Variants in HUNK observed in about 807,000 individuals in gnomAD.
HUNK encodes hormonally up-regulated Neu-associated kinase, also known as hormonally up-regulated neu tumor-associated kinase.
HUNK carries 21 observed loss-of-function variants against 61.0 expected under a neutral mutation model. That is an observed-to-expected ratio of 0.34 (90% confidence interval 0.24 to 0.50). HUNK has a LOEUF of 0.50. Ranked by LOEUF, HUNK falls within the 20% of genes least tolerant of loss-of-function variation. The probability of loss-of-function intolerance (pLI) is 0.98; values close to 1 mark genes in which losing one functional copy is unlikely to be tolerated. For synonymous variants in HUNK, 371 were observed against 386.1 expected, an observed-to-expected ratio of 0.96 and a Z score of 0.46; for missense variants, 772 against 945.7, an observed-to-expected ratio of 0.82 and a Z score of 2.41.
chr21:31,879,154 A>G (rs1409298756), intron 1 of HUNK, among the ~76,000 whole-genome samples: 1 of 152,358 alleles, frequency 6.6e-6, no homozygotes, highest in East Asian at 1.9e-4. Context: ...GCCTTTTGGC[A>G]GATCTGTTTT....
At chr21:31,958,773 G>T in intron 4 of HUNK, 70 bp from the exon 5 acceptor site, 1 of 1,446,300 alleles carries the variant, frequency 6.9e-7, no homozygotes, top group Non-Finnish European at 9.3e-7. Flanking sequence ...CTTCGGTGAA[G>T]CCCGTGTCCC....
rs747079661 is a variant in HUNK, at chr21:31,958,979, C to T, written c.874+9C>T. The T allele has an allele frequency of 1.3e-6, 2 of 1,592,218 alleles. No individual in the cohort carries two copies. Among genetic ancestry groups the T allele is most frequent in the Non-Finnish European group, 1.7e-6 (2 of 1,171,116 alleles). ...CACTCAGCTCTCCACAGGTAATGCACCAGCTGCTCTAGATCACGGTTCAGG... is the reference window on the plus strand; with the variant it reads ...CACTCAGCTCTCCACAGGTAATGCATCAGCTGCTCTAGATCACGGTTCAGG... On this transcript the variant is annotated intron_variant, in intron 5 of 10. Coordinates refer to ENST00000270112, the MANE Select transcript of HUNK (RefSeq NM_014586.2).
chr21:31,938,124 C>T (rs1234554514), intron 2 of HUNK, among the ~76,000 whole-genome samples: 1 of 152,156 alleles, frequency 6.6e-6, no homozygotes, highest in African/African-American at 2.4e-5. Flanking sequence ...GCATTTGACT[C>T]CTTAATTCTT....
chr21:31,965,593 T>TG (rs1418034098), intron 5 of HUNK, among the ~76,000 whole-genome samples: 2 of 130,016 alleles, frequency 1.5e-5, no homozygotes, highest in East Asian at 4.8e-4. Flanking sequence ...TCTTTGTTTT[T>TG]CTTTTTTTTT....
At chr21:31,896,464 G>A (rs73191257) in intron 1 of HUNK, among the ~76,000 whole-genome samples, 1,813 of 152,254 alleles carry the variant, frequency 0.012, 9 homozygotes, top group Middle Eastern at 0.027. Flanking sequence ...CAGATACCAC[G>A]ATACCTGGAA....
In HUNK at chr21:31,916,622, G is replaced by A. The variant is rs568093183; in HGVS notation, c.262-7846G>A. Among the ~76,000 whole-genome samples, 9 of 151,746 alleles carry A rather than the reference G, an allele frequency of 5.9e-5. No homozygotes were observed. The South Asian group carries it at 6.3e-4, about 11-fold the overall frequency. The stretch of plus-strand genomic sequence containing the variant: ...TTGGGGAGAGCAGTGCTTCCCTTTC[G>A]TGCAGGGCAAACTCTTCCTCCTCTT... On this transcript the variant is annotated intron_variant, in intron 1 of 10. Transcript: ENST00000270112.
chr21:31,954,302 A>G (rs566143264), intron 4 of HUNK, among the ~76,000 whole-genome samples: 169 of 152,368 alleles, frequency 1.1e-3, no homozygotes, highest in African/African-American at 3.9e-3. Flanking sequence ...AGTGGTCTGC[A>G]CATTTGAGTA....
At chr21:31,914,815 A>G (rs1368112071) in intron 1 of HUNK, among the ~76,000 whole-genome samples, 3 of 152,204 alleles carry the variant, frequency 2.0e-5, no homozygotes, top group African/African-American at 7.2e-5. Flanking sequence ...CCCCACTCTA[A>G]TGACCTCATT....
At chr21:31,967,878 A>G (rs2052978266) in intron 5 of HUNK, among the ~76,000 whole-genome samples, 4 of 152,232 alleles carry the variant, frequency 2.6e-5, no homozygotes, top group Admixed American at 1.3e-4. Context: ...CCTATGAGCA[A>G]CAAGAAAAGA....
intron 1 of HUNK, among the ~76,000 whole-genome samples, chr21:31,902,558 A>AGCAT (rs1395165273): frequency 2.0e-5 from 3 of 152,184 alleles, no homozygotes; most frequent in Non-Finnish European, 4.4e-5. Flanking sequence ...AGTTACATGA[A>AGCAT]GCATGTATAG....
chr21:31,937,112 G>A (rs1173515744), intron 2 of HUNK, among the ~76,000 whole-genome samples: 1 of 152,194 alleles, frequency 6.6e-6, no homozygotes, highest in Non-Finnish European at 1.5e-5. Context: ...CGGAATTACT[G>A]TTTATGCCTG....
At position 31,873,518 on chromosome 21, in the gene HUNK, G is replaced by A; in HGVS notation, c.-157G>A. ...ACGCGCCTCGCTGGGCGGCGCGGGG[G>A]GCGTGATCGCGGCGGCCCCGGGCTC... On this transcript the variant is annotated 5_prime_UTR_variant, in exon 1 of 11. Transcript: ENST00000270112. The surrounding 1 kb of genome is among the most constrained non-coding windows in gnomAD (Gnocchi z 6.1). The A allele has an allele frequency of 2.2e-6, 1 of 457,154 alleles. No individual in the cohort carries two copies. Among genetic ancestry groups the A allele is most frequent in the Non-Finnish European group, 2.9e-6 (1 of 347,026 alleles). 28.3% of individuals were successfully genotyped at this position (457,154 alleles called of 1,614,324 possible). A position where few individuals can be genotyped will look rare whatever the true frequency, so the allele number is the denominator to read the frequency against.
At position 31,974,543 on chromosome 21, in the gene HUNK, TGCACCTC is replaced by T; in HGVS notation, c.1011-8_1011-2del. 6.2e-7 allele frequency: 1 copy of T among 1,610,402 alleles called. No individual in the cohort carries two copies. Among genetic ancestry groups the T allele is most frequent in the Non-Finnish European group, 8.5e-7 (1 of 1,178,272 alleles). ...GCAGGGGTGACTGGTCCTCTCTCTC[TGCACCTC>T]GCAGGATTTCTCTGGAAGATCTGAG... On this transcript the variant is annotated splice_region_variant and splice_polypyrimidine_tract_variant and intron_variant, in intron 6 of 10. Transcript: ENST00000270112.
chr21:31,977,249 T>A (rs2053056783), intron 7 of HUNK, among the ~76,000 whole-genome samples: 1 of 152,172 alleles, frequency 6.6e-6, no homozygotes, highest in Non-Finnish European at 1.5e-5. Context: ...CATAAGGGAT[T>A]AGGGTCATAG....
intron 5 of HUNK, among the ~76,000 whole-genome samples, chr21:31,964,664 C>G (rs2052951141): frequency 6.6e-6 from 1 of 152,090 alleles, no homozygotes; most frequent in African/African-American, 2.4e-5. Flanking sequence ...TTTCAGGACC[C>G]TAAAACAAAC....
chr21:31,953,573 CTG>C (rs1236740675), intron 4 of HUNK, among the ~76,000 whole-genome samples: 3 of 152,192 alleles, frequency 2.0e-5, no homozygotes, highest in East Asian at 1.9e-4. Flanking sequence ...ACAAATAAAA[CTG>C]TAGCTTTTTC....
intron 1 of HUNK, among the ~76,000 whole-genome samples, chr21:31,888,463 C>T (rs1390109636): frequency 0.019 from 2 of 108 alleles, no homozygotes; most frequent in African/African-American, 0.091. Context: ...TTAGGCTGGA[C>T]GCAGTGCTCA....
rs1216854965 is a variant in HUNK at position 31,876,339 on chromosome 21, G to T, written c.261+2404G>T. On this transcript the variant is annotated intron_variant, in intron 1 of 10. Coordinates refer to ENST00000270112, the MANE Select transcript of HUNK (RefSeq NM_014586.2). The stretch of plus-strand genomic sequence containing the variant: ...GATTGCGGGCATTGGGAGAAATCTG[G>T]ATTTTAGTTCACTCAATTGCTGGCT... Among the ~76,000 whole-genome samples the T allele has an allele frequency of 2.0e-5, 3 of 152,272 alleles. No individual in the cohort carries two copies. The South Asian group carries it at 6.2e-4, about 32-fold the overall frequency.
chr21:31,892,174 T>TAG (rs1304092803), intron 1 of HUNK, among the ~76,000 whole-genome samples: 3 of 122,026 alleles, frequency 2.5e-5, no homozygotes, highest in Admixed American at 8.2e-5. Flanking sequence ...TATATATATA[T>TAG]ATATATAGAG....
Sources: allele counts gnomAD v4.1 joint callset (sites outside exome capture counted in the v4.1 genomes callset), GRCh38; gene constraint gnomAD v4.1.1; non-coding constraint Gnocchi (gnomAD v3.1); transcripts MANE v1.5; gene names NCBI Gene and HGNC (gene_info 2026-07-23, HGNC 2026-07-21).